Variants in METTL21A observed in about 807,000 individuals in gnomAD.
METTL21A encodes the protein methyltransferase 21A, HSPA lysine.
A neutral mutation model predicts 20.9 loss-of-function variants in METTL21A; 22 were observed. That is an observed-to-expected ratio of 1.05 (90% CI 0.75 to 1.50). The LOEUF is 1.50. Ranked by LOEUF, METTL21A falls within the 40% of genes most tolerant of loss-of-function variation. The pLI is 0.00. For synonymous variants in METTL21A, 93 were observed against 102.0 expected (o/e 0.91, Z 0.53); for missense variants, 271 against 266.8 (o/e 1.02, Z -0.11).
chr2:207,599,817 C>A, intron 3 of METTL21A: 1 of 195,276 alleles, frequency 5.1e-6, no homozygotes. Context: ...GGCCACATTA[C>A]CAGTAATAAA....
At chr2:207,624,309 T>G (rs532031255) in exon 2 of METTL21A, 11 of 1,613,918 alleles carry the variant, frequency 6.8e-6, no homozygotes, top group African/African-American at 1.3e-5. Flanking sequence ...AAGGAAAAAG[T>G]TGCAAGAGGC....
exon 4 of METTL21A, chr2:207,613,364 A>G (rs1559113103): frequency 6.2e-7 from 1 of 1,612,978 alleles, no homozygotes; most frequent in East Asian, 2.2e-5. Flanking sequence ...TAGTTTGGAT[A>G]TGAGGAGGTA....
chr2:207,613,429 T>C (rs1308321156), exon 4 of METTL21A: 1 of 1,594,584 alleles, frequency 6.3e-7, no homozygotes, highest in South Asian at 1.2e-5. Flanking sequence ...CGATCCGTGA[T>C]AGTCACATGA....
chr2:207,591,342 T>C (rs2084985555), intron 3 of METTL21A, among the ~76,000 whole-genome samples: 2 of 152,226 alleles, frequency 1.3e-5, no homozygotes, highest in African/African-American at 4.8e-5. Flanking sequence ...TTTATTATTA[T>C]ATAATGTCTT....
chr2:207,617,102 A>G (rs1331770758), intron 3 of METTL21A, among the ~76,000 whole-genome samples: 1 of 152,252 alleles, frequency 6.6e-6, no homozygotes, highest in African/African-American at 2.4e-5. Flanking sequence ...ACAACACAGT[A>G]TGCTGTCCAT....
chr2:207,582,711 T>C (rs977614664), intron 3 of METTL21A, among the ~76,000 whole-genome samples: 67 of 152,188 alleles, frequency 4.4e-4, no homozygotes, highest in African/African-American at 1.6e-3. Flanking sequence ...GTGGCCAATA[T>C]GGTGAAACCC....
At chr2:207,621,728 AG>A in intron 3 of METTL21A, 77 bp downstream of exon 3, 1 of 1,245,658 alleles carries the variant, frequency 8.0e-7, no homozygotes, top group South Asian at 1.2e-5. Flanking sequence ...AAACCCACGA[AG>A]GGTTTTGCGC....
At chr2:207,603,002 G>A (rs2087354717) in intron 3 of METTL21A, 1 of 213,880 alleles carries the variant, frequency 4.7e-6, no homozygotes, top group Non-Finnish European at 9.5e-6. Flanking sequence ...GGTTTTTGAG[G>A]GTTGGGGTAA....
intron 2 of METTL21A, among the ~76,000 whole-genome samples, chr2:207,623,783 G>A (rs2090788453): frequency 6.6e-6 from 1 of 152,204 alleles, no homozygotes; most frequent in Non-Finnish European, 1.5e-5. Context: ...AACCCAGGAA[G>A]CGGAGGCTGC....
At chr2:207,624,427 G>A in intron 1 of METTL21A, 23 bp from the exon 2 acceptor site, 1 of 1,566,998 alleles carries the variant, frequency 6.4e-7, no homozygotes, top group Non-Finnish European at 8.6e-7. Flanking sequence ...AGAATCCTGG[G>A]TGACGCTCTG....
intron 3 of METTL21A, among the ~76,000 whole-genome samples, chr2:207,590,179 T>C (rs897749150): frequency 2.7e-4 from 40 of 150,308 alleles, no homozygotes; most frequent in African/African-American, 9.5e-4. Context: ...AAGACATTGG[T>C]CCATTTCTTC....
At chr2:207,608,672 C>G (rs1313956443), downstream of METTL21A, among the ~76,000 whole-genome samples, 1 of 152,176 alleles carries the variant, frequency 6.6e-6, no homozygotes, top group Non-Finnish European at 1.5e-5. Context: ...TGGCTCACGC[C>G]TGTAATCCCA....
intron 3 of METTL21A, 82 bp from the exon 4 acceptor site, chr2:207,613,525 G>T: frequency 7.6e-7 from 1 of 1,312,308 alleles, no homozygotes; most frequent in Non-Finnish European, 1.0e-6. Flanking sequence ...TAAATGTAGA[G>T]TGTCTCTTAA....
chr2:207,616,771 G>T (rs78835811), intron 3 of METTL21A, among the ~76,000 whole-genome samples: 1 of 152,036 alleles, frequency 6.6e-6, no homozygotes, highest in Non-Finnish European at 1.5e-5. Context: ...GCTTGAACCC[G>T]GGAGGCAGAG....
chr2:207,619,093 C>T (rs891049676), intron 3 of METTL21A, among the ~76,000 whole-genome samples: 8 of 151,474 alleles, frequency 5.3e-5, no homozygotes, highest in Non-Finnish European at 8.8e-5. Context: ...GTCCTCAGAA[C>T]ACAGGAACTA....
At chr2:207,588,074 T>C (rs144115885) in intron 3 of METTL21A, among the ~76,000 whole-genome samples, 98 of 152,354 alleles carry the variant, frequency 6.4e-4, no homozygotes, top group Middle Eastern at 6.8e-3. Context: ...CTACAGTTAT[T>C]TTATGTCAAC....
downstream of METTL21A, among the ~76,000 whole-genome samples, chr2:207,606,542 TTA>T (rs1367902720): frequency 1.3e-5 from 2 of 152,168 alleles, no homozygotes; most frequent in African/African-American, 4.8e-5. Flanking sequence ...GTCATGCTGT[TTA>T]TGTCAGTGCT....
At chr2:207,618,924 T>C (rs948320011) in intron 3 of METTL21A, among the ~76,000 whole-genome samples, 1 of 152,046 alleles carries the variant, frequency 6.6e-6, no homozygotes, top group Non-Finnish European at 1.5e-5. Flanking sequence ...GAGAGTCAGA[T>C]TGGATTCAAA....
downstream of METTL21A, among the ~76,000 whole-genome samples, chr2:207,607,620 T>G (rs2106814200): frequency 1.1e-5 from 1 of 91,166 alleles, no homozygotes. Flanking sequence ...AGCTACCCTT[T>G]AAGTGATAAT....
Sources: gnomAD v4.1 joint callset for allele counts (sites outside exome capture counted in the v4.1 genomes callset) on GRCh38, gnomAD v4.1.1 for gene constraint, MANE v1.5 for transcripts, NCBI Gene and HGNC (gene_info 2026-07-23, HGNC 2026-07-21) for gene names.